Variants in PDE4D observed in about 807,000 individuals in gnomAD.
The protein encoded by PDE4D is 3',5'-cyclic-AMP phosphodiesterase 4D.
A neutral mutation model predicts 87.4 loss-of-function variants in PDE4D; 24 were observed. The observed-to-expected ratio is 0.27, with a 90% CI of 0.20 to 0.39. The LOEUF (loss-of-function observed/expected upper bound fraction) is 0.39, where lower values mean the gene tolerates loss of function less well. Among genes scored for constraint, PDE4D ranks in the 10% least tolerant of loss-of-function variants. The pLI, the probability that PDE4D is intolerant of heterozygous loss-of-function variation, is 1.00. For synonymous variants in PDE4D, 384 were observed against 383.2 expected (o/e 1.00, Z -0.02); for missense variants, 714 against 1,041.0 (o/e 0.69, Z 4.32).
chr5:59,204,320 A>T (rs1748250062), intron 2 of PDE4D, among the ~76,000 whole-genome samples: 1 of 152,194 alleles, frequency 6.6e-6, no homozygotes, highest in Non-Finnish European at 1.5e-5. Context: ...ACATAAGCAA[A>T]AAATAATCTA....
intron 3 of PDE4D, among the ~76,000 whole-genome samples, chr5:59,979,638 C>A (rs1224959698): frequency 6.6e-6 from 1 of 152,126 alleles, no homozygotes; most frequent in Non-Finnish European, 1.5e-5. Context: ...ATGTTGCATA[C>A]ATGACTTCAA....
chr5:60,013,178 C>T (rs1765178648), intron 2 of PDE4D, among the ~76,000 whole-genome samples: 1 of 152,128 alleles, frequency 6.6e-6, no homozygotes, highest in Non-Finnish European at 1.5e-5. Flanking sequence ...CAAACTTCAC[C>T]ATCACTGTGT....
chr5:60,226,227 T>C (rs1477189849), intron 1 of PDE4D, among the ~76,000 whole-genome samples: 1 of 152,128 alleles, frequency 6.6e-6, no homozygotes. Context: ...TGAAAAGGGT[T>C]CTTTAAAGTG....
At chr5:59,508,271 C>T (rs1238179310) in intron 1 of PDE4D, among the ~76,000 whole-genome samples, 1 of 152,136 alleles carries the variant, frequency 6.6e-6, no homozygotes, top group Non-Finnish European at 1.5e-5. Context: ...TACAATCTTT[C>T]ATGCAGAACA....
intron 1 of PDE4D, among the ~76,000 whole-genome samples, chr5:59,496,246 C>T (rs1807165417): frequency 6.6e-6 from 1 of 152,106 alleles, no homozygotes; most frequent in Non-Finnish European, 1.5e-5. Context: ...GCTCTTCCAC[C>T]AGCGTGCTCC....
intron 1 of PDE4D, among the ~76,000 whole-genome samples, chr5:59,246,224 A>G (rs543785184): frequency 1.7e-4 from 26 of 152,132 alleles, no homozygotes; most frequent in Admixed American, 1.6e-3. Context: ...TCAGAAAGGT[A>G]CCAACCATTT....
chr5:60,340,501 A>G (rs979634914), intron 1 of PDE4D, among the ~76,000 whole-genome samples: 6 of 151,762 alleles, frequency 4.0e-5, no homozygotes, highest in Admixed American at 2.0e-4. Flanking sequence ...CAATCCTCCC[A>G]CATCTCCAAG....
At chr5:60,018,262 GA>G (rs1408689940) in intron 2 of PDE4D, among the ~76,000 whole-genome samples, 1 of 151,948 alleles carries the variant, frequency 6.6e-6, no homozygotes, top group Non-Finnish European at 1.5e-5. Context: ...AAGCAAAGGA[GA>G]AATAAAATCC....
chr5:59,740,605 T>A (rs934841839), intron 1 of PDE4D, among the ~76,000 whole-genome samples: 4 of 152,178 alleles, frequency 2.6e-5, no homozygotes, highest in Admixed American at 6.5e-5. Context: ...CAAAGATGCA[T>A]GAATGAAAAT....
chr5:60,466,601 G>C (rs1223542022), intron 1 of PDE4D, among the ~76,000 whole-genome samples: 1 of 152,122 alleles, frequency 6.6e-6, no homozygotes, highest in Non-Finnish European at 1.5e-5. Flanking sequence ...GAGAAATTTT[G>C]TATTGAATCT....
At chr5:59,599,162 G>T (rs557205233) in intron 1 of PDE4D, among the ~76,000 whole-genome samples, 7 of 152,036 alleles carry the variant, frequency 4.6e-5, no homozygotes, top group Non-Finnish European at 7.4e-5. Context: ...TTTGTAAATG[G>T]ATATCAATAT....
chr5:59,332,261 G>A (rs1400648526), intron 1 of PDE4D, among the ~76,000 whole-genome samples: 1 of 152,048 alleles, frequency 6.6e-6, no homozygotes, highest in Non-Finnish European at 1.5e-5. Context: ...TCCCAAAACA[G>A]CATAAAATTT....
At chr5:60,444,625 T>C (rs188991096) in intron 1 of PDE4D, among the ~76,000 whole-genome samples, 162 of 152,144 alleles carry the variant, frequency 1.1e-3, no homozygotes, top group Admixed American at 1.0e-3. Flanking sequence ...GGGCGAGGTA[T>C]GTGTGGGAGA....
chr5:59,694,357 G>A (rs1751435150), intron 1 of PDE4D, among the ~76,000 whole-genome samples: 1 of 152,132 alleles, frequency 6.6e-6, no homozygotes, highest in Non-Finnish European at 1.5e-5. Context: ...GTCAGTAGTT[G>A]TGGTTTACTC....
At chr5:60,057,038 T>G (rs1770853422) in intron 2 of PDE4D, among the ~76,000 whole-genome samples, 1 of 152,116 alleles carries the variant, frequency 6.6e-6, no homozygotes, top group Non-Finnish European at 1.5e-5. Context: ...CAATTGTTTT[T>G]GAATTGGTTT....
intron 1 of PDE4D, among the ~76,000 whole-genome samples, chr5:59,516,544 C>T (rs921149215): frequency 6.6e-6 from 1 of 152,108 alleles, no homozygotes; most frequent in African/African-American, 2.4e-5. Flanking sequence ...CTAATTTTTT[C>T]ATAGAAAAAA....
intron 2 of PDE4D, among the ~76,000 whole-genome samples, chr5:60,116,670 A>G (rs528937509): frequency 6.6e-6 from 1 of 152,226 alleles, no homozygotes; most frequent in South Asian, 2.1e-4. Context: ...GTGCTGCTAA[A>G]TAGAAAAAAA....
At chr5:59,307,339 C>A (rs2153563679) in intron 1 of PDE4D, among the ~76,000 whole-genome samples, 1 of 148,434 alleles carries the variant, frequency 6.7e-6, no homozygotes, top group South Asian at 2.2e-4. Context: ...GCAATGGCAA[C>A]AAAAGCCAAA....
intron 1 of PDE4D, among the ~76,000 whole-genome samples, chr5:59,472,422 A>G (rs924176109): frequency 6.6e-6 from 1 of 152,180 alleles, no homozygotes; most frequent in Non-Finnish European, 1.5e-5. Flanking sequence ...TTTCATCATC[A>G]TAAATCATTT....
Sources: gnomAD v4.1 joint callset for allele counts (sites outside exome capture counted in the v4.1 genomes callset) on GRCh38, gnomAD v4.1.1 for gene constraint, MANE v1.5 for transcripts, NCBI Gene and HGNC (gene_info 2026-07-23, HGNC 2026-07-21) for gene names.